AHNAK: variants seen among roughly 807,000 people sequenced by gnomAD.
AHNAK encodes AHNAK nucleoprotein, also known as neuroblast differentiation-associated protein AHNAK.
AHNAK carries 23 observed loss-of-function variants against 37.8 expected under a neutral mutation model. The ratio of observed to expected loss-of-function variants is 0.61; its 90% confidence interval spans 0.44 to 0.86. The LOEUF (loss-of-function observed/expected upper bound fraction) is 0.86, where lower values mean the gene tolerates loss of function less well. AHNAK is among the 40% of genes least tolerant of loss of function. The pLI is 0.00. For missense variants in AHNAK, 7,411 were observed against 7,319.4 expected, an observed-to-expected ratio of 1.01 and a Z score of -0.46; for synonymous variants, 2,481 against 2,636.3, an observed-to-expected ratio of 0.94 and a Z score of 1.80.
chr11:62,526,271 G>T lies in AHNAK; in HGVS notation c.8146C>A (p.Leu2716Met). 1.9e-6 allele frequency: 3 copies of T among 1,613,786 alleles called. No homozygotes were observed. In the South Asian group the frequency reaches 3.3e-5, roughly 18 times the overall value. ...TCACCCTTCACTTTGGGTCCTTTCA[G>T]GTTTAAGTCAATATCAGGCATGGAG... ...KISMPDIDLNLKGPKVKGDVD... is the reference protein window; with the variant it reads ...KISMPDIDLNMKGPKVKGDVD... Residue 2716 changes from leucine to methionine, a missense_variant, in exon 5 of 5, where the codon CTG becomes ATG. Transcript: ENST00000378024.
intron 5 of AHNAK, among the ~76,000 whole-genome samples, chr11:62,488,565 A>ATTTTTTT (rs57544040): frequency 3.0e-5 from 4 of 133,962 alleles, no homozygotes; most frequent in African/African-American, 2.9e-5. Context: ...TGCCCAGCTA[A>ATTTTTTT]TTTTTTTTTT....
intron 5 of AHNAK, among the ~76,000 whole-genome samples, chr11:62,445,753 A>G (rs1050653835): frequency 6.6e-6 from 1 of 150,618 alleles, no homozygotes; most frequent in Non-Finnish European, 1.5e-5. Flanking sequence ...GCAGTGGTTC[A>G]TGCCTATAAT....
intron 5 of AHNAK, chr11:62,491,581 C>T (rs1047934528): frequency 5.9e-6 from 4 of 676,884 alleles, no homozygotes; most frequent in Admixed American, 2.9e-5. Flanking sequence ...TTTCCAGGCC[C>T]AGGAGAAAGA....
intron 4 of AHNAK, among the ~76,000 whole-genome samples, chr11:62,497,183 A>G (rs951768260): frequency 6.6e-6 from 1 of 152,236 alleles, no homozygotes; most frequent in African/African-American, 2.4e-5. Context: ...GTCAAAACCA[A>G]CAACTGCTAA....
In AHNAK at chr11:62,527,513, T is replaced by A. The variant is rs1940541577; in HGVS notation, c.6904A>T (p.Met2302Leu). ...GGGGTCTTGAAGTGCATCTCAGGCA[T>A]CTTAAACTTGGGGCCCTTCAGCTTC... ...EGKLKGPKFK[M>L]PEMHFKTPKI... Residue 2302 changes from methionine to leucine, a missense_variant, in exon 5 of 5, where the codon ATG becomes TTG. Physicochemically the swap from Met to Leu is conservative, Grantham distance 15. Coordinates refer to ENST00000378024, the MANE Select transcript of AHNAK (RefSeq NM_001620.3). 6.2e-7 allele frequency: 1 copy of A among 1,613,140 alleles called. No individual in the cohort carries two copies. The highest frequency in any genetic ancestry group is 2.2e-5 in the East Asian group (1 of 44,850).
chr11:62,463,123 CAAAA>C (rs142849834), intron 5 of AHNAK, among the ~76,000 whole-genome samples: 25 of 77,818 alleles, frequency 3.2e-4, no homozygotes, highest in East Asian at 1.6e-3. Context: ...GACTCAGTCT[CAAAA>C]AAAAAAAAAA....
chr11:62,527,579 C>A lies in AHNAK; in HGVS notation c.6838G>T (p.Asp2280Tyr). 6.2e-7 allele frequency: 1 copy of A among 1,613,436 alleles called. No individual in the cohort carries two copies. The highest frequency in any genetic ancestry group is 8.5e-7 in the Non-Finnish European group (1 of 1,179,854). The change falls in exon 5 of 5, where the codon GAT (aspartate) becomes TAT (tyrosine). Residue 2280 changes from aspartate (D) to tyrosine (Y), a missense_variant. Asp to Tyr is a radical substitution (Grantham distance 160). Coordinates refer to ENST00000378024, the MANE Select transcript of AHNAK (RefSeq NM_001620.3). ...AGGCTCACATCTGGGACTTCAACAT[C>A]CACCTTGGGTCCTGAGACATCAACG... The part of the protein sequence containing the change: ...ADVDVSGPKV[D>Y]VEVPDVSLEG...
At position 62,524,531 on chromosome 11, in the gene AHNAK, G is replaced by A. The variant is rs147166471; in HGVS notation, c.9886C>T (p.Pro3296Ser). The A allele has an allele frequency of 9.7e-5, 157 of 1,614,078 alleles. No homozygotes were observed. The African/African-American group carries it at 1.7e-3, about 17-fold the overall frequency. Reference sequence around the variant, plus strand: ...CCTTTCAAATTCAAGTCAATTTCTGGCATGGAGATCTTGGGCATGTTTACA... The same window carrying A: ...CCTTTCAAATTCAAGTCAATTTCTGACATGGAGATCTTGGGCATGTTTACA... ...MHVNMPKISMPEIDLNLKGSK... is the reference protein window; with the variant it reads ...MHVNMPKISMSEIDLNLKGSK... Residue 3296 changes from proline to serine, a missense_variant, in exon 5 of 5, where the codon CCA becomes TCA. Transcript: ENST00000378024.
intron 5 of AHNAK, among the ~76,000 whole-genome samples, chr11:62,453,980 G>T (rs1293951010): frequency 6.6e-6 from 1 of 152,038 alleles, no homozygotes; most frequent in Non-Finnish European, 1.5e-5. Context: ...GGTGGCATGT[G>T]CCTGTAATCC....
intron 5 of AHNAK, among the ~76,000 whole-genome samples, chr11:62,448,826 T>C (rs1938472601): frequency 6.6e-6 from 1 of 152,130 alleles, no homozygotes; most frequent in Non-Finnish European, 1.5e-5. Context: ...TCCCAGCACT[T>C]TGGGAGGCCG....
At position 62,525,125 on chromosome 11, in the gene AHNAK, G is replaced by T; in HGVS notation, c.9292C>A (p.Leu3098Ile). 1.2e-6 allele frequency: 2 copies of T among 1,613,732 alleles called. No homozygotes were observed. Among genetic ancestry groups the T allele is most frequent in the African/African-American group, 1.3e-5 (1 of 74,856 alleles). The change falls in exon 5 of 5, where the codon CTT (leucine) becomes ATT (isoleucine). Residue 3098 changes from leucine (L) to isoleucine (I), a missense_variant. Leu to Ile is a conservative substitution (Grantham distance 5). Coordinates refer to ENST00000378024, the MANE Select transcript of AHNAK (RefSeq NM_001620.3). ...APKISMPDID[L>I]NLKGPKVKGD... ...TTCACTTTGGGACCTTTCAGGTTAA[G>T]ATCAATGTCAGGCATGGAGATCTTG...
chr11:62,533,404 A>G lies in AHNAK; in HGVS notation c.1013T>C (p.Val338Ala). The G allele has an allele frequency of 6.2e-7, 1 of 1,604,702 alleles. No homozygotes were observed. Among genetic ancestry groups the G allele is most frequent in the Non-Finnish European group, 8.5e-7 (1 of 1,175,246 alleles). The change falls in exon 5 of 5, where the codon GTG becomes GCG. Residue 338 changes from valine (V) to alanine (A), a missense_variant. Coordinates refer to ENST00000378024, the MANE Select transcript of AHNAK (RefSeq NM_001620.3). The stretch of plus-strand genomic sequence containing the variant: ...GCCTGGCTTGCCGCCCTTGTGCCCC[A>G]CAGAGACTTCAGGTGCAGAAACCCT... ...GLRVSAPEVS[V>A]GHKGGKPGLT...
At chr11:62,512,821 A>G (rs1445866285), downstream of AHNAK, among the ~76,000 whole-genome samples, 18 of 137,634 alleles carry the variant, frequency 1.3e-4, no homozygotes, top group Non-Finnish European at 1.1e-4. The surrounding 1 kb of genome is among the most constrained non-coding windows in gnomAD (Gnocchi z 4.0). Flanking sequence ...GTGCCACTGC[A>G]CTCCAGCCTG....
At chr11:62,465,862 AC>A (rs1161196841) in intron 5 of AHNAK, among the ~76,000 whole-genome samples, 1 of 152,074 alleles carries the variant, frequency 6.6e-6, no homozygotes, top group Non-Finnish European at 1.5e-5. Flanking sequence ...CTTCCCTAGA[AC>A]CTTTCAGAGG....
In AHNAK at chr11:62,535,185, G is replaced by C. The variant is rs777914433; in HGVS notation, c.160C>G (p.Gln54Glu). ...ARTGVVKEGDQIVGATIYFDN... is the reference protein window; with the variant it reads ...ARTGVVKEGDEIVGATIYFDN... ...AAGTAGATGGTGGCACCCACAATCT[G>C]GTCCCCTGAGCAGGGAAGAGCAGGA... The change falls in exon 4 of 5, where the codon CAG becomes GAG. Residue 54 changes from glutamine (Q) to glutamate (E), a missense_variant. Gln to Glu is a conservative substitution (Grantham distance 29). Transcript: ENST00000378024. 1 of 1,609,476 alleles carries C rather than the reference G, an allele frequency of 6.2e-7. No homozygotes were observed. The highest frequency in any genetic ancestry group is 2.2e-5 in the East Asian group (1 of 44,722).
Position 62,519,806 on chromosome 11 carries a change from C to G in AHNAK, c.14611G>C (p.Val4871Leu). 6.2e-7 allele frequency: 1 copy of G among 1,614,150 alleles called. No individual in the cohort carries two copies. Among genetic ancestry groups the G allele is most frequent in the Non-Finnish European group, 8.5e-7 (1 of 1,179,996 alleles). The stretch of plus-strand genomic sequence containing the variant: ...TTCAAAGTCCCTTCAACCTTAGGGA[C>G]AGACACATCAAAATCTCCTTTTACT... The part of the protein sequence containing the change: ...PKVKGDFDVS[V>L]PKVEGTLKGP... Residue 4871 changes from valine to leucine, a missense_variant, in exon 5 of 5, where the codon GTC (valine) becomes CTC (leucine). Val to Leu is a conservative substitution (Grantham distance 32). Coordinates refer to ENST00000378024, the MANE Select transcript of AHNAK (RefSeq NM_001620.3).
At chr11:62,486,948 T>C (rs1477089658) in intron 5 of AHNAK, among the ~76,000 whole-genome samples, 2 of 148,570 alleles carry the variant, frequency 1.3e-5, no homozygotes, top group East Asian at 3.9e-4. Context: ...AGAGAGAGGG[T>C]TCACTGAGTA....
chr11:62,462,894 G>T (rs577981264), intron 5 of AHNAK, among the ~76,000 whole-genome samples: 2 of 152,184 alleles, frequency 1.3e-5, no homozygotes, highest in Admixed American at 6.6e-5. Flanking sequence ...ACTTTGGGAG[G>T]CTGAGGCAGG....
intron 5 of AHNAK, among the ~76,000 whole-genome samples, chr11:62,460,719 A>G (rs930713755): frequency 6.6e-6 from 1 of 152,230 alleles, no homozygotes; most frequent in African/African-American, 2.4e-5. Flanking sequence ...GCTGAGATCC[A>G]GGAAAAAGAA....
Sources: gnomAD v4.1 joint callset for allele counts (sites outside exome capture counted in the v4.1 genomes callset) on GRCh38, gnomAD v4.1.1 for gene constraint, Gnocchi (gnomAD v3.1) non-coding constraint, MANE v1.5 for transcripts, NCBI Gene and HGNC (gene_info 2026-07-23, HGNC 2026-07-21) for gene names.